The following NCOA6 variants were observed in gnomAD, a reference collection of about 807,000 sequenced individuals.
The protein encoded by NCOA6 is NRC RAP250.
A neutral mutation model predicts 171.4 loss-of-function variants in NCOA6; 49 were observed. That is an observed-to-expected ratio of 0.29 (90% CI 0.23 to 0.36). NCOA6 has a LOEUF of 0.36. Among genes scored for constraint, NCOA6 ranks in the 10% least tolerant of loss-of-function variants. NCOA6 has a pLI of 1.00. For synonymous variants in NCOA6, 910 were observed against 927.5 expected, an observed-to-expected ratio of 0.98 and a Z score of 0.34; for missense variants, 2,248 against 2,554.5, an observed-to-expected ratio of 0.88 and a Z score of 2.59.
intron 12 of NCOA6, among the ~76,000 whole-genome samples, chr20:34,733,684 T>C (rs1324654054): frequency 6.6e-6 from 1 of 151,706 alleles, no homozygotes; most frequent in Non-Finnish European, 1.5e-5. Context: ...CAGCCTTTCA[T>C]GTAAGGAGGT....
chr20:34,802,538 T>C (rs1241427190), intron 1 of NCOA6, among the ~76,000 whole-genome samples: 1 of 151,966 alleles, frequency 6.6e-6, no homozygotes, highest in African/African-American at 2.4e-5. Flanking sequence ...GAGTCGGAAG[T>C]TGCAGTGAGC....
intron 4 of NCOA6, 49 bp from the exon 5 acceptor site, chr20:34,768,635 A>G (rs767365052): frequency 1.2e-6 from 2 of 1,603,492 alleles, no homozygotes; most frequent in Non-Finnish European, 8.5e-7. Flanking sequence ...ATAAAATGCA[A>G]ATTTTGTTTA....
At position 34,715,165 on chromosome 20, in the gene NCOA6, C is replaced by T; in HGVS notation, c.*157G>A. ...AAGGGCTCAACAGTCCTGCTTTCCC[C>T]ATTGCACTTTATGAAACAGGTTGCA... On this transcript the variant is annotated 3_prime_UTR_variant, in exon 15 of 15. Transcript: ENST00000359003. The T allele has an allele frequency of 1.1e-6, 1 of 880,844 alleles. No homozygotes were observed. Among genetic ancestry groups the T allele is most frequent in the Non-Finnish European group, 1.8e-6 (1 of 562,504 alleles). 54.6% of individuals were successfully genotyped at this position (880,844 alleles called of 1,614,324 possible).
Position 34,746,927 on chromosome 20 carries a change from T to C in NCOA6, c.2794A>G (p.Thr932Ala). ...KKKNSQQDLN[T>A]PDTRPAGLEE... is the part of the protein sequence containing the mutation. ...AGACCAGCTGGGCGAGTATCTGGGG[T>C]GCTAAAAAAAAAAAAAAAAAAAAAA... The change falls in exon 10 of 15, where the codon ACC becomes GCC. Residue 932 changes from threonine (T) to alanine (A), a missense_variant and splice_region_variant. Thr to Ala is a moderately conservative substitution (Grantham distance 58). This residue lies in a region of NCOA6 where 352 missense variants were observed against 419.1 expected (regional missense o/e 0.84). Coordinates refer to ENST00000359003, the MANE Select transcript of NCOA6 (RefSeq NM_014071.5). 7.7e-7 allele frequency: 1 copy of C among 1,290,508 alleles called. No individual in the cohort carries two copies. The highest frequency in any genetic ancestry group is 9.9e-7 in the Non-Finnish European group (1 of 1,013,940). The allele number at this position is 1,290,508 out of a possible 1,614,324, so 79.9% of individuals were successfully genotyped here.
At chr20:34,763,085 T>C (rs1182847169) in intron 5 of NCOA6, among the ~76,000 whole-genome samples, 2 of 152,330 alleles carry the variant, frequency 1.3e-5, no homozygotes, top group African/African-American at 4.8e-5. Context: ...TGTGTCTAGA[T>C]GTAGTTTTAT....
At chr20:34,768,087 G>T (rs2077034467) in intron 5 of NCOA6, among the ~76,000 whole-genome samples, 1 of 152,134 alleles carries the variant, frequency 6.6e-6, no homozygotes, top group Non-Finnish European at 1.5e-5. Flanking sequence ...TCAATTCACA[G>T]ATATTCTCTG....
At position 34,757,815 on chromosome 20, in the gene NCOA6, C is replaced by G; in HGVS notation, c.933G>C (p.Gln311His). The stretch of plus-strand genomic sequence containing the variant: ...GGTTCCAGCCTGGAGGAACAGGCAC[C>G]TGAGTTGGGGCAGTAAACTGGGGTC... ...GIRPQFTAPT[Q>H]VPVPPGWNQL... is the part of the protein sequence containing the mutation. The change falls in exon 7 of 15, where the codon CAG becomes CAC. Residue 311 changes from glutamine (Q) to histidine (H), a missense_variant. By Grantham distance (24) the Gln-to-His change is conservative. Around this residue, in one of 7 missense-constraint regions of NCOA6, gnomAD observed 987 missense variants for 1,104.7 expected, o/e 0.89. Transcript: ENST00000359003. 1 of 1,614,072 alleles carries G rather than the reference C, an allele frequency of 6.2e-7. No homozygotes were observed. The highest frequency in any genetic ancestry group is 1.1e-5 in the South Asian group (1 of 91,070).
intron 3 of NCOA6, among the ~76,000 whole-genome samples, chr20:34,778,821 T>A (rs541971794): frequency 2.3e-4 from 35 of 151,488 alleles, no homozygotes; most frequent in Non-Finnish European, 4.9e-4. Context: ...TAGCCTGGTG[T>A]GGTGGCGGGC....
chr20:34,809,975 G>C (rs1476019372), intron 1 of NCOA6, among the ~76,000 whole-genome samples: 1 of 152,026 alleles, frequency 6.6e-6, no homozygotes, highest in Admixed American at 6.6e-5. Flanking sequence ...CAAAAAAAAA[G>C]AGTTGTAAAA....
chr20:34,749,437 G>A lies in NCOA6; in HGVS notation c.2758C>T (p.Pro920Ser). ...TGCTGACTATTTTTCTTCTTCCGAG[G>A]GGGTTTCTTCTTCTTCGGTTTATTT... ...NANKPKKKKP[P>S]RKKKNSQQDL... The change falls in exon 9 of 15, where the codon CCT becomes TCT. Residue 920 changes from proline to serine, a missense_variant. Physicochemically the swap from Pro to Ser is moderately conservative, Grantham distance 74. Coordinates refer to ENST00000359003, the MANE Select transcript of NCOA6 (RefSeq NM_014071.5). 1 of 1,611,098 alleles carries A rather than the reference G, an allele frequency of 6.2e-7. No individual in the cohort carries two copies. The highest frequency in any genetic ancestry group is 1.1e-5 in the South Asian group (1 of 90,640).
At chr20:34,804,394 C>T (rs2078371016) in intron 1 of NCOA6, among the ~76,000 whole-genome samples, 1 of 151,382 alleles carries the variant, frequency 6.6e-6, no homozygotes, top group East Asian at 1.9e-4. Flanking sequence ...GTGGTCTCAG[C>T]TACTCAATAG....
Position 34,751,926 on chromosome 20 carries a change from C to T in NCOA6, c.1676-1407G>A, listed in dbSNP as rs117172615. On this transcript the variant is annotated intron_variant, in intron 8 of 14. Coordinates refer to ENST00000359003, the MANE Select transcript of NCOA6 (RefSeq NM_014071.5). Reference sequence around the variant, plus strand: ...ACAGAATCTGGCTCTGGTGCAACCTCGGCTCATTGCAACCTCCACCTCCTG... The same window carrying T: ...ACAGAATCTGGCTCTGGTGCAACCTTGGCTCATTGCAACCTCCACCTCCTG... 5.5e-3 allele frequency among the ~76,000 whole-genome samples: 836 copies of T among 152,220 alleles called. 3 individuals carry two copies. The highest frequency in any genetic ancestry group is 0.031 in the Middle Eastern group (9 of 294).
intron 4 of NCOA6, among the ~76,000 whole-genome samples, chr20:34,774,854 G>C (rs576119743): frequency 2.0e-5 from 3 of 152,170 alleles, no homozygotes; most frequent in Non-Finnish European, 4.4e-5. Flanking sequence ...AAATGCTAAA[G>C]CTTATAGTCT....
intron 13 of NCOA6, among the ~76,000 whole-genome samples, chr20:34,732,202 C>A (rs1204396103): frequency 6.6e-6 from 1 of 152,206 alleles, no homozygotes; most frequent in Non-Finnish European, 1.5e-5. Context: ...CAGGGTCAAA[C>A]AACTGTTCTT....
intron 4 of NCOA6, among the ~76,000 whole-genome samples, chr20:34,775,851 G>A (rs1423514454): frequency 6.6e-6 from 1 of 152,108 alleles, no homozygotes; most frequent in Non-Finnish European, 1.5e-5. Context: ...TGGTATAGGT[G>A]TAGTCCCAGC....
At chr20:34,758,443 T>C (rs1033584834) in intron 6 of NCOA6, among the ~76,000 whole-genome samples, 2 of 152,224 alleles carry the variant, frequency 1.3e-5, no homozygotes, top group African/African-American at 4.8e-5. Flanking sequence ...GATGCGTTTC[T>C]TCACTGTAGG....
chr20:34,732,705 CCAG>C, intron 12 of NCOA6, 110 bp from the exon 13 acceptor site: 1 of 865,048 alleles, frequency 1.2e-6, no homozygotes, highest in African/African-American at 1.7e-5. Flanking sequence ...GTCCCTGTGC[CCAG>C]CAGGATTCTC....
At chr20:34,754,387 T>A (rs1303404939) in intron 8 of NCOA6, among the ~76,000 whole-genome samples, 1 of 152,222 alleles carries the variant, frequency 6.6e-6, no homozygotes, top group Non-Finnish European at 1.5e-5. Flanking sequence ...CTACTTTCTG[T>A]GCTATCATAA....
chr20:34,775,863 A>C (rs1455113648), intron 4 of NCOA6, among the ~76,000 whole-genome samples: 1 of 152,132 alleles, frequency 6.6e-6, no homozygotes, highest in Non-Finnish European at 1.5e-5. Flanking sequence ...AGTCCCAGCT[A>C]CTCAGGAGGC....
Sources: allele counts gnomAD v4.1 joint callset (sites outside exome capture counted in the v4.1 genomes callset), GRCh38; gene constraint gnomAD v4.1.1; regional missense constraint gnomAD v4.1.1; transcripts MANE v1.5; gene names NCBI Gene and HGNC (gene_info 2026-07-23, HGNC 2026-07-21).